SLC35F3: variants seen among roughly 807,000 people sequenced by gnomAD.
The protein encoded by SLC35F3 is putative thiamine transporter SLC35F3.
A neutral mutation model predicts 49.9 loss-of-function variants in SLC35F3; 25 were observed. That is an observed-to-expected ratio of 0.50 (90% CI 0.37 to 0.70). The LOEUF (loss-of-function observed/expected upper bound fraction) is 0.70. SLC35F3 is among the 30% of genes least tolerant of loss of function. The pLI, the probability that SLC35F3 is intolerant of heterozygous loss-of-function variation, is 0.00. For synonymous variants in SLC35F3, 275 were observed against 265.4 expected (o/e 1.04, Z -0.35); for missense variants, 525 against 639.8 (o/e 0.82, Z 1.94).
intron 2 of SLC35F3, among the ~76,000 whole-genome samples, chr1:234,181,087 C>T (rs1339724519): frequency 6.6e-6 from 1 of 151,896 alleles, no homozygotes; most frequent in African/African-American, 2.4e-5. Flanking sequence ...TAATCCAGCA[C>T]TTTGGGAACC....
At chr1:233,908,856 A>G (rs895800906) in intron 2 of SLC35F3, among the ~76,000 whole-genome samples, 2 of 146,080 alleles carry the variant, frequency 1.4e-5, no homozygotes, top group East Asian at 2.1e-4. Context: ...AGCTTCCCCA[A>G]ATAATAGTAT....
At chr1:233,917,854 G>A (rs560196911) in intron 2 of SLC35F3, among the ~76,000 whole-genome samples, 10 of 152,274 alleles carry the variant, frequency 6.6e-5, no homozygotes, top group African/African-American at 2.2e-4. Context: ...ACATTTATAC[G>A]CTAATAAAAA....
chr1:234,168,263 C>T (rs1056257252), intron 2 of SLC35F3, among the ~76,000 whole-genome samples: 3 of 152,224 alleles, frequency 2.0e-5, no homozygotes, highest in Non-Finnish European at 4.4e-5. Flanking sequence ...CTGCCACATG[C>T]GTGGCACTGA....
chr1:233,971,748 C>T (rs1168546045), intron 2 of SLC35F3, among the ~76,000 whole-genome samples: 3 of 151,236 alleles, frequency 2.0e-5, no homozygotes, highest in African/African-American at 4.9e-5. Flanking sequence ...ACCCAGGCCT[C>T]CTCTGCTGAC....
At chr1:233,975,060 A>G (rs1663059488) in intron 2 of SLC35F3, among the ~76,000 whole-genome samples, 1 of 152,244 alleles carries the variant, frequency 6.6e-6, no homozygotes, top group South Asian at 2.1e-4. Flanking sequence ...AGTGAAGACC[A>G]TCATCTACAG....
intron 2 of SLC35F3, among the ~76,000 whole-genome samples, chr1:233,955,940 T>G (rs895659647): frequency 7.5e-6 from 1 of 132,970 alleles, no homozygotes; most frequent in Non-Finnish European, 1.5e-5. Flanking sequence ...CAGGCTGGAG[T>G]GCAGTGGCGT....
intron 2 of SLC35F3, among the ~76,000 whole-genome samples, chr1:234,164,368 C>T (rs1313283012): frequency 5.4e-5 from 8 of 148,764 alleles, no homozygotes; most frequent in African/African-American, 2.0e-4. Context: ...CTTCTTTCCC[C>T]TCTCTCCTCA....
At chr1:234,136,958 C>G (rs1248416684) in intron 2 of SLC35F3, among the ~76,000 whole-genome samples, 1 of 152,230 alleles carries the variant, frequency 6.6e-6, no homozygotes, top group African/African-American at 2.4e-5. Context: ...GAACCTTCTT[C>G]AGCATTCATT....
intron 2 of SLC35F3, among the ~76,000 whole-genome samples, chr1:234,150,347 C>A (rs1666058613): frequency 1.3e-5 from 2 of 151,116 alleles, no homozygotes; most frequent in African/African-American, 2.5e-5. Flanking sequence ...TTGAAGACCT[C>A]GGAGTAGGAA....
At chr1:234,177,876 G>C (rs1277755631) in intron 2 of SLC35F3, among the ~76,000 whole-genome samples, 2 of 152,160 alleles carry the variant, frequency 1.3e-5, no homozygotes, top group Non-Finnish European at 2.9e-5. Context: ...GCATGTCATG[G>C]TTTAATACAA....
At chr1:233,905,231 G>A (rs939718446) in intron 1 of SLC35F3, 101 bp downstream of exon 1, 6 of 1,298,248 alleles carry the variant, frequency 4.6e-6, no homozygotes, top group Non-Finnish European at 6.4e-6. Flanking sequence ...CTGAGGCTCG[G>A]GGAAGGGCGG....
At chr1:234,196,479 A>C (rs937667645) in intron 2 of SLC35F3, among the ~76,000 whole-genome samples, 1 of 152,228 alleles carries the variant, frequency 6.6e-6, no homozygotes, top group African/African-American at 2.4e-5. Context: ...CCCTGAGTGA[A>C]GCCAAGAGCC....
intron 3 of SLC35F3, among the ~76,000 whole-genome samples, chr1:234,239,826 A>G (rs1036514218): frequency 6.6e-6 from 1 of 152,214 alleles, no homozygotes; most frequent in Non-Finnish European, 1.5e-5. Context: ...ATTTGGCAAC[A>G]TGGTCATAGG....
At chr1:233,916,109 C>A (rs1004277080) in intron 2 of SLC35F3, among the ~76,000 whole-genome samples, 1 of 152,176 alleles carries the variant, frequency 6.6e-6, no homozygotes, top group Non-Finnish European at 1.5e-5. Context: ...TATATACTTT[C>A]TTTTCTTTAA....
At chr1:234,308,003 T>A (rs970897321) in intron 3 of SLC35F3, among the ~76,000 whole-genome samples, 5 of 152,166 alleles carry the variant, frequency 3.3e-5, no homozygotes, top group African/African-American at 1.2e-4. Flanking sequence ...TCTTAAAGAT[T>A]TTTTGAACTA....
At chr1:234,059,347 AT>A (rs545342230) in intron 2 of SLC35F3, among the ~76,000 whole-genome samples, 2 of 136,940 alleles carry the variant, frequency 1.5e-5, no homozygotes, top group Admixed American at 7.2e-5. Context: ...CACTCCACAT[AT>A]TTTTTTTTCA....
At chr1:234,044,051 C>A (rs1279138082) in intron 2 of SLC35F3, among the ~76,000 whole-genome samples, 1 of 152,094 alleles carries the variant, frequency 6.6e-6, no homozygotes, top group East Asian at 1.9e-4. Context: ...GCTTTTATGT[C>A]CTGGTGGCTC....
chr1:234,213,605 T>C (rs1462404891), intron 2 of SLC35F3: 1 of 152,284 alleles, frequency 6.6e-6, no homozygotes, highest in African/African-American at 2.4e-5. Context: ...CTTACAGCTG[T>C]GTCTGAGTGC....
intron 2 of SLC35F3, among the ~76,000 whole-genome samples, chr1:234,122,769 T>C (rs1475233430): frequency 2.6e-5 from 4 of 152,204 alleles, no homozygotes; most frequent in Non-Finnish European, 5.9e-5. Flanking sequence ...TGCAGCTTCA[T>C]CATCCACGTC....
Sources: gnomAD v4.1 joint callset for allele counts (sites outside exome capture counted in the v4.1 genomes callset) on GRCh38, gnomAD v4.1.1 for gene constraint, MANE v1.5 for transcripts, NCBI Gene and HGNC (gene_info 2026-07-23, HGNC 2026-07-21) for gene names.